Variants in CREB5 observed in about 807,000 individuals in gnomAD.
CREB5 encodes cyclic AMP-responsive element-binding protein 5.
CREB5 carries 19 observed loss-of-function variants against 57.1 expected under a neutral mutation model. The observed-to-expected ratio is 0.33, with a 90% CI of 0.23 to 0.49. CREB5 has a LOEUF of 0.49. Ranked by LOEUF, CREB5 falls within the 20% of genes least tolerant of loss-of-function variation. The pLI is 0.99. For missense variants in CREB5, 579 were observed against 671.6 expected (o/e 0.86, Z 1.52); for synonymous variants, 238 against 238.3 (o/e 1.00, Z 0.01).
chr7:28,502,496 C>T (rs1467845221), intron 3 of CREB5, among the ~76,000 whole-genome samples: 9 of 152,218 alleles, frequency 5.9e-5, no homozygotes, highest in Non-Finnish European at 1.2e-4. Flanking sequence ...TTGAATAGCC[C>T]TCTTGAGGAA....
At chr7:28,767,430 A>G (rs1806065811) in intron 7 of CREB5, among the ~76,000 whole-genome samples, 3 of 152,312 alleles carry the variant, frequency 2.0e-5, no homozygotes, top group South Asian at 4.1e-4. Context: ...CTATCTTTTC[A>G]GGAATCTTCC....
In CREB5 at chr7:28,768,372, A is replaced by G. The variant is rs963360046; in HGVS notation, c.703-35827A>G. Among the ~76,000 whole-genome samples the G allele has an allele frequency of 6.6e-5, 10 of 152,310 alleles. No homozygotes were observed. In the South Asian group the frequency reaches 2.1e-3, roughly 32 times the overall value. On this transcript the variant is annotated intron_variant, in intron 7 of 10. Coordinates refer to ENST00000357727, the MANE Select transcript of CREB5 (RefSeq NM_182898.4). ...GGAAGTGAGATGAAGTTCTTGGGGGAATAGTTTTCTTTCTCAAATGGGTAA... is the reference window on the plus strand; with the variant it reads ...GGAAGTGAGATGAAGTTCTTGGGGGGATAGTTTTCTTTCTCAAATGGGTAA...
At chr7:28,712,507 A>C (rs983436926) in intron 5 of CREB5, among the ~76,000 whole-genome samples, 11 of 58,692 alleles carry the variant, frequency 1.9e-4, no homozygotes, top group Non-Finnish European at 2.8e-4. Context: ...AAACTCCTCA[A>C]AAAAAAAAAA....
At chr7:28,772,432 G>A (rs1806377991) in intron 7 of CREB5, among the ~76,000 whole-genome samples, 2 of 152,140 alleles carry the variant, frequency 1.3e-5, no homozygotes, top group African/African-American at 4.8e-5. Flanking sequence ...GAGCCCAGGC[G>A]CCGCTCGAGC....
At chr7:28,560,897 C>CGTGCGTGCGT (rs1554344444) in intron 4 of CREB5, among the ~76,000 whole-genome samples, 3 of 22,526 alleles carry the variant, frequency 1.3e-4, no homozygotes, top group Non-Finnish European at 1.8e-4. Flanking sequence ...CGTGTGTGTG[C>CGTGCGTGCGT]GTGCGCGCGT....
intron 5 of CREB5, among the ~76,000 whole-genome samples, chr7:28,608,824 T>G (rs1291465429): frequency 6.6e-6 from 1 of 152,226 alleles, no homozygotes; most frequent in African/African-American, 2.4e-5. Flanking sequence ...GTTGGTTTTG[T>G]GTAAGGCTAA....
intron 5 of CREB5, among the ~76,000 whole-genome samples, chr7:28,628,725 T>C (rs1255734086): frequency 1.3e-5 from 2 of 152,190 alleles, no homozygotes; most frequent in East Asian, 3.9e-4. Flanking sequence ...GATTTTCATG[T>C]AACATTTATC....
intron 1 of CREB5, among the ~76,000 whole-genome samples, chr7:28,356,652 G>T (rs1045050122): frequency 6.6e-6 from 1 of 152,228 alleles, no homozygotes; most frequent in African/African-American, 2.4e-5. Context: ...TATGTGTCAT[G>T]TAAAAGTACA....
chr7:28,704,573 C>T (rs1024640149), intron 5 of CREB5, among the ~76,000 whole-genome samples: 7 of 152,044 alleles, frequency 4.6e-5, no homozygotes, highest in African/African-American at 1.7e-4. Flanking sequence ...ATCCTCCCAC[C>T]TTAGCCTCCC....
intron 4 of CREB5, among the ~76,000 whole-genome samples, chr7:28,560,881 T>TGTGCGTGTGC (rs1554344374): frequency 2.2e-5 from 1 of 46,206 alleles, no homozygotes. Context: ...TGCGCGTGCG[T>TGTGCGTGTGC]GCGTGCGTGT....
intron 5 of CREB5, among the ~76,000 whole-genome samples, chr7:28,700,860 C>T (rs1801817855): frequency 1.3e-5 from 2 of 151,950 alleles, no homozygotes; most frequent in South Asian, 4.1e-4. Flanking sequence ...CGATGCTGCC[C>T]TGCGTGTAGG....
Position 28,574,717 on chromosome 7 carries a change from C to CT in CREB5, c.464+4181dup. The stretch of plus-strand genomic sequence containing the variant: ...TTTGTAGGGCACTGGCCAAATATAT[C>CT]TAACATTAGAATATACAAATGTGGA... On this transcript the variant is annotated intron_variant, in intron 5 of 10. Transcript: ENST00000357727. Among the ~76,000 whole-genome samples the CT allele has an allele frequency of 1.3e-5, 2 of 152,238 alleles. 1 individual carries two copies. The highest frequency in any genetic ancestry group is 6.8e-3 in the Middle Eastern group (2 of 294).
At chr7:28,346,662 G>A (rs1786063566) in intron 1 of CREB5, among the ~76,000 whole-genome samples, 1 of 152,184 alleles carries the variant, frequency 6.6e-6, no homozygotes, top group African/African-American at 2.4e-5. Context: ...TGATAAGTCT[G>A]GATGCAACAG....
intron 1 of CREB5, among the ~76,000 whole-genome samples, chr7:28,340,961 G>T (rs934273264): frequency 6.6e-6 from 1 of 152,148 alleles, no homozygotes; most frequent in Non-Finnish European, 1.5e-5. Flanking sequence ...TTCTCTCTCT[G>T]CACAGATTTT....
At chr7:28,493,990 G>A (rs563248045) in intron 2 of CREB5, among the ~76,000 whole-genome samples, 5 of 152,052 alleles carry the variant, frequency 3.3e-5, no homozygotes, top group Admixed American at 2.0e-4. Context: ...AAATAATTAG[G>A]CATGGCATGT....
At position 28,372,081 on chromosome 7, in the gene CREB5, A is replaced by G. The variant is rs77463978; in HGVS notation, c.-25+72640A>G. On this transcript the variant is annotated intron_variant, in intron 1 of 9. Coordinates refer to the CREB5 transcript ENST00000396299. ...ATAAAGATGCTGTTAGCAGTGGGGA[A>G]CATCAGGTCACACTAGCTCTGTGCC... 4.1e-3 allele frequency among the ~76,000 whole-genome samples: 631 copies of G among 152,278 alleles called. 2 individuals carry two copies. Among genetic ancestry groups the G allele is most frequent in the Admixed American group, 8.6e-3 (132 of 15,294 alleles).
At chr7:28,566,337 T>C (rs1371315762) in intron 4 of CREB5, among the ~76,000 whole-genome samples, 2 of 152,202 alleles carry the variant, frequency 1.3e-5, no homozygotes, top group Admixed American at 1.3e-4. Flanking sequence ...GATTTTTACA[T>C]CTTCATCCAA....
At chr7:28,426,720 T>G (rs936845860) in intron 1 of CREB5, among the ~76,000 whole-genome samples, 2 of 152,236 alleles carry the variant, frequency 1.3e-5, no homozygotes, top group Non-Finnish European at 2.9e-5. Context: ...TTTGTTAATC[T>G]TTTTCTTATG....
chr7:28,804,285 C>A lies in CREB5; in HGVS notation c.789C>A (p.Gly263=). 5.0e-6 allele frequency: 8 copies of A among 1,614,048 alleles called. No homozygotes were observed. The highest frequency in any genetic ancestry group is 5.9e-6 in the Non-Finnish European group (7 of 1,180,022). Residue 263 remains glycine (G), a synonymous_variant, in exon 8 of 11, where the codon GGC becomes GGA. Transcript: ENST00000357727. ...TGGGACACATGATGGAGATGATGGG[C>A]TCCCGGCAGGACCAGACGCCACACC... The part of the protein sequence containing the change: ...NTMGHMMEMM[G]SRQDQTPHHH...
Sources: gnomAD v4.1 joint callset for allele counts (sites outside exome capture counted in the v4.1 genomes callset) on GRCh38, gnomAD v4.1.1 for gene constraint, MANE v1.5 for transcripts, NCBI Gene and HGNC (gene_info 2026-07-23, HGNC 2026-07-21) for gene names.